Variants in ARHGAP8 observed in about 807,000 individuals in gnomAD.
ARHGAP8 encodes the protein Rho GTPase activating protein 8.
ARHGAP8 carries 62 observed loss-of-function variants against 46.1 expected under a neutral mutation model. The ratio of observed to expected loss-of-function variants is 1.34; its 90% CI spans 1.10 to 1.66. The LOEUF (loss-of-function observed/expected upper bound fraction) is 1.66, where lower values mean the gene tolerates loss of function less well. Among genes scored for constraint, ARHGAP8 ranks in the 40% most tolerant of loss-of-function variants. The pLI, the probability that ARHGAP8 is intolerant of heterozygous loss-of-function variation, is 0.00. For synonymous variants in ARHGAP8, 375 were observed against 243.1 expected, an observed-to-expected ratio of 1.54 and a Z score of -5.05; for missense variants, 923 against 568.4, an observed-to-expected ratio of 1.62 and a Z score of -6.34.
At chr22:44,808,259 A>C in intron 3 of ARHGAP8, 48 bp from the exon 4 acceptor site, 1 of 1,588,490 alleles carries the variant, frequency 6.3e-7, no homozygotes, top group Middle Eastern at 1.7e-4. Context: ...TTTGGTTTCA[A>C]TAATGAGTAG....
intron 10 of ARHGAP8, 21 bp from the exon 11 acceptor site, chr22:44,859,710 G>A (rs2070371610): frequency 3.7e-6 from 6 of 1,611,526 alleles, no homozygotes; most frequent in Non-Finnish European, 5.1e-6. Context: ...GAGCTCAGCA[G>A]GGAGCCCCAT....
chr22:44,818,785 C>T (rs1231391937), intron 5 of ARHGAP8, among the ~76,000 whole-genome samples: 1 of 152,022 alleles, frequency 6.6e-6, no homozygotes. Flanking sequence ...CATCCTTAAC[C>T]TCCTGGGCTC....
At chr22:44,785,213 G>A (rs747615779) in intron 1 of ARHGAP8, among the ~76,000 whole-genome samples, 2 of 152,056 alleles carry the variant, frequency 1.3e-5, no homozygotes, top group Non-Finnish European at 2.9e-5. Flanking sequence ...CTTTCTCCTC[G>A]GGCACCCTCA....
At chr22:44,754,772 T>C (rs1602131533) in intron 1 of ARHGAP8, among the ~76,000 whole-genome samples, 2 of 151,898 alleles carry the variant, frequency 1.3e-5, no homozygotes, top group African/African-American at 2.4e-5. Flanking sequence ...AACGATGGAG[T>C]TAAAGGCGGC....
chr22:44,817,811 A>G (rs1372454933), intron 5 of ARHGAP8, among the ~76,000 whole-genome samples: 1 of 151,662 alleles, frequency 6.6e-6, no homozygotes, highest in African/African-American at 2.4e-5. Flanking sequence ...CCATCTCAAA[A>G]AACAGAGAAA....
At chr22:44,831,032 G>C (rs1930909318) in intron 7 of ARHGAP8, among the ~76,000 whole-genome samples, 1 of 152,006 alleles carries the variant, frequency 6.6e-6, no homozygotes, top group African/African-American at 2.4e-5. Flanking sequence ...TCTTTTCATT[G>C]TTGTAAAGAT....
chr22:44,767,032 A>T (rs540326709), intron 1 of ARHGAP8, among the ~76,000 whole-genome samples: 1 of 152,264 alleles, frequency 6.6e-6, no homozygotes, highest in South Asian at 2.1e-4. Context: ...GGTAAAAGAA[A>T]ATGCAGAGCC....
chr22:44,755,301 C>G (rs1924580624), intron 1 of ARHGAP8, among the ~76,000 whole-genome samples: 1 of 152,242 alleles, frequency 6.6e-6, no homozygotes, highest in African/African-American at 2.4e-5. Context: ...AGGTGTGCCT[C>G]CCACATGGGA....
At chr22:44,832,196 T>TA (rs1930993263) in intron 7 of ARHGAP8, among the ~76,000 whole-genome samples, 1 of 151,288 alleles carries the variant, frequency 6.6e-6, no homozygotes, top group African/African-American at 2.4e-5. Context: ...TTTTTTTTTT[T>TA]AATTTGTGAT....
At chr22:44,762,716 G>A (rs760248801) in intron 1 of ARHGAP8, among the ~76,000 whole-genome samples, 14 of 151,826 alleles carry the variant, frequency 9.2e-5, no homozygotes, top group Non-Finnish European at 1.9e-4. Context: ...GCTAATTTTT[G>A]TATTTTTATT....
chr22:44,825,570 G>A lies in ARHGAP8; in HGVS notation c.573G>A (p.Gln191=), dbSNP rs1930452691. 1 of 1,613,212 alleles carries A rather than the reference G, an allele frequency of 6.2e-7. No individual in the cohort carries two copies. Among genetic ancestry groups the A allele is most frequent in the East Asian group, 2.2e-5 (1 of 44,824 alleles). The part of the protein sequence containing the change: ...TPPPRPPLPT[Q]QFGVSLQYLK... ...CGCCGCGGCCCCCGCTGCCCACACAGCAGTTTGGCGTCAGTCTGCAATAGT... is the reference window on the plus strand; with the variant it reads ...CGCCGCGGCCCCCGCTGCCCACACAACAGTTTGGCGTCAGTCTGCAATAGT... The change falls in exon 7 of 12, where the codon CAG becomes CAA. Residue 191 remains glutamine (Q), a synonymous_variant. Transcript: ENST00000356099.
chr22:44,830,113 T>G (rs1930837070), intron 7 of ARHGAP8, among the ~76,000 whole-genome samples: 1 of 150,760 alleles, frequency 6.6e-6, no homozygotes, highest in Non-Finnish European at 1.5e-5. Context: ...AACCTCTGCC[T>G]CCTGGGTTCA....
intron 1 of ARHGAP8, among the ~76,000 whole-genome samples, chr22:44,766,728 G>A (rs1925605519): frequency 6.6e-6 from 1 of 152,180 alleles, no homozygotes; most frequent in Admixed American, 6.5e-5. Flanking sequence ...CCTGGGCTCT[G>A]GCAATGCTCT....
chr22:44,784,589 G>A (rs1463466354), intron 1 of ARHGAP8, among the ~76,000 whole-genome samples: 2 of 152,132 alleles, frequency 1.3e-5, no homozygotes, highest in African/African-American at 4.8e-5. Context: ...TCCCTGGGGG[G>A]TCCTGGAACC....
At chr22:44,821,451 T>C (rs916290303) in intron 5 of ARHGAP8, among the ~76,000 whole-genome samples, 4 of 151,910 alleles carry the variant, frequency 2.6e-5, no homozygotes, top group African/African-American at 9.7e-5. Flanking sequence ...GTTGTATATC[T>C]TAAACATATA....
At position 44,814,477 on chromosome 22, in the gene ARHGAP8, T is replaced by C. The variant is rs115083263; in HGVS notation, c.300-195T>C. Reference sequence around the variant, plus strand: ...CGAACTAAAGCGCTGCAGGCATGCCTGGCGGGGGCAGCAGGTGAGGGGTCC... The same window carrying C: ...CGAACTAAAGCGCTGCAGGCATGCCCGGCGGGGGCAGCAGGTGAGGGGTCC... On this transcript the variant is annotated intron_variant, in intron 4 of 11. Transcript: ENST00000356099. Among the ~76,000 whole-genome samples, 365 of 152,334 alleles carry C rather than the reference T, an allele frequency of 2.4e-3. 1 individual carries two copies. The highest frequency in any genetic ancestry group is 8.3e-3 in the African/African-American group (346 of 41,572).
chr22:44,833,137 C>A (rs568114283), intron 7 of ARHGAP8, among the ~76,000 whole-genome samples: 1 of 135,392 alleles, frequency 7.4e-6, no homozygotes, highest in East Asian at 2.2e-4. Context: ...CCCTCTGTTG[C>A]GTAGGTTGGA....
intron 7 of ARHGAP8, among the ~76,000 whole-genome samples, chr22:44,828,616 A>AT (rs35378143): frequency 0.19 from 28,433 of 151,048 alleles, 2,781 homozygotes; most frequent in South Asian, 0.22. Flanking sequence ...CACCTGGCTA[A>AT]TTTTTTTTGT....
chr22:44,834,498 G>T (rs1931155348), intron 7 of ARHGAP8, among the ~76,000 whole-genome samples: 5 of 152,102 alleles, frequency 3.3e-5, no homozygotes, highest in Admixed American at 3.3e-4. Context: ...TCTTTCAGAT[G>T]TATGGAGGCT....
Sources: gnomAD v4.1 joint callset for allele counts (sites outside exome capture counted in the v4.1 genomes callset) on GRCh38, gnomAD v4.1.1 for gene constraint, MANE v1.5 for transcripts, NCBI Gene and HGNC (gene_info 2026-07-23, HGNC 2026-07-21) for gene names.